Variants in SH3BGRL2 observed in about 807,000 individuals in gnomAD.
SH3BGRL2 encodes the protein SH3 domain binding glutamate rich protein like 2, also known as SH3 domain-binding glutamic acid-rich-like protein 2.
In SH3BGRL2, 21 loss-of-function variants were observed where a neutral mutation model predicts 14.8. The observed-to-expected ratio is 1.42, with a 90% CI of 1.01 to 2.05. The LOEUF is 2.05. Ranked by LOEUF, SH3BGRL2 falls within the 30% of genes most tolerant of loss-of-function variation. The pLI is 0.00. For synonymous variants in SH3BGRL2, 50 were observed against 47.8 expected (o/e 1.05, Z -0.19); for missense variants, 147 against 130.8 (o/e 1.12, Z -0.61).
At chr6:79,607,318 C>A in the SH3BGRL2 span, among the ~76,000 whole-genome samples, 1 of 152,124 alleles carries the variant, frequency 6.6e-6, no homozygotes, top group African/African-American at 2.4e-5. Flanking sequence ...GAAAGCAGAG[C>A]CCTGGACTAT....
chr6:79,582,154 G>A, the SH3BGRL2 span, among the ~76,000 whole-genome samples: 3 of 152,088 alleles, frequency 2.0e-5, no homozygotes, highest in Non-Finnish European at 2.9e-5. Context: ...ACAAATGGAA[G>A]GATATTCCAT....
At chr6:79,587,525 ATT>A in the SH3BGRL2 span, among the ~76,000 whole-genome samples, 3 of 152,232 alleles carry the variant, frequency 2.0e-5, no homozygotes, top group African/African-American at 7.2e-5. Flanking sequence ...GCATATGTTA[ATT>A]TCAACAAAGT....
At chr6:79,699,311 G>A (rs539391145) in intron 3 of SH3BGRL2, among the ~76,000 whole-genome samples, 187 bp from the exon 4 acceptor site, 5 of 152,152 alleles carry the variant, frequency 3.3e-5, no homozygotes, top group African/African-American at 1.2e-4. Flanking sequence ...GGGTGGGTGT[G>A]ATTTAAATCT....
chr6:79,691,428 A>C (rs1446119238), intron 2 of SH3BGRL2, among the ~76,000 whole-genome samples: 1 of 150,990 alleles, frequency 6.6e-6, no homozygotes, highest in Non-Finnish European at 1.5e-5. Context: ...ATATGTATAC[A>C]TGTGCCATGT....
At chr6:79,671,566 C>T (rs531111757) in intron 1 of SH3BGRL2, among the ~76,000 whole-genome samples, 2 of 152,308 alleles carry the variant, frequency 1.3e-5, no homozygotes, top group South Asian at 4.1e-4. Context: ...AGATTCATTT[C>T]ATTTCAGAAG....
chr6:79,673,365 A>G (rs1769812445), intron 1 of SH3BGRL2, among the ~76,000 whole-genome samples: 1 of 150,938 alleles, frequency 6.6e-6, no homozygotes, highest in South Asian at 2.2e-4. Flanking sequence ...ACTTGAGCCC[A>G]GGAGTTTGAG....
the SH3BGRL2 span, among the ~76,000 whole-genome samples, chr6:79,584,591 G>A: frequency 6.6e-6 from 1 of 152,144 alleles, no homozygotes; most frequent in Admixed American, 6.5e-5. Context: ...GGAGAAAGAT[G>A]TGTAGGTCCC....
intron 1 of SH3BGRL2, among the ~76,000 whole-genome samples, chr6:79,644,234 A>G (rs1163760704): frequency 6.6e-6 from 1 of 152,156 alleles, no homozygotes; most frequent in African/African-American, 2.4e-5. Flanking sequence ...GGAGTTTATC[A>G]ATATATTGCA....
intron 1 of SH3BGRL2, among the ~76,000 whole-genome samples, chr6:79,636,390 CAGAAA>C (rs1269953378): frequency 6.6e-6 from 1 of 152,036 alleles, no homozygotes; most frequent in Admixed American, 6.6e-5. Flanking sequence ...ACCCAGTGAA[CAGAAA>C]CAGGGCTGAA....
the SH3BGRL2 span, among the ~76,000 whole-genome samples, chr6:79,599,003 C>G: frequency 6.6e-6 from 1 of 150,532 alleles, no homozygotes; most frequent in African/African-American, 2.4e-5. Flanking sequence ...ATCGCTTGAA[C>G]CTGGGAGGCA....
intron 1 of SH3BGRL2, among the ~76,000 whole-genome samples, chr6:79,666,197 T>C (rs923349154): frequency 4.6e-5 from 7 of 152,162 alleles, no homozygotes; most frequent in African/African-American, 1.7e-4. Context: ...CTTGCTGGGA[T>C]TCTCTTGGCC....
chr6:79,648,650 C>T (rs1769217846), intron 1 of SH3BGRL2, among the ~76,000 whole-genome samples: 1 of 151,942 alleles, frequency 6.6e-6, no homozygotes, highest in Non-Finnish European at 1.5e-5. Flanking sequence ...GGGACCTGTT[C>T]TGTTTATCTT....
the SH3BGRL2 span, chr6:79,573,957 T>TG: frequency 6.6e-6 from 1 of 152,220 alleles, no homozygotes; most frequent in Non-Finnish European, 1.5e-5. Context: ...AATTCTCTAA[T>TG]TACTAGGTAC....
chr6:79,631,342 C>G lies in SH3BGRL2; in HGVS notation c.-120C>G, dbSNP rs941952907. 1.8e-5 allele frequency: 16 copies of G among 907,826 alleles called. No individual in the cohort carries two copies. The highest frequency in any genetic ancestry group is 2.3e-5 in the Non-Finnish European group (15 of 658,784). 56.2% of individuals were successfully genotyped at this position (907,826 alleles called of 1,614,324 possible). On this transcript the variant is annotated 5_prime_UTR_variant, in exon 1 of 4. The change creates a new upstream start codon in the 5' untranslated region. Coordinates refer to ENST00000369838, the MANE Select transcript of SH3BGRL2 (RefSeq NM_031469.4). ...CGGGAGGGAGCCAGATCCCAGCGAT[C>G]TTCCCCGACGGCAGCGCTTTACCCA...
chr6:79,541,954 T>C, the SH3BGRL2 span, among the ~76,000 whole-genome samples: 1 of 152,234 alleles, frequency 6.6e-6, no homozygotes, highest in Non-Finnish European at 1.5e-5. Context: ...TGTTATTTTT[T>C]GACTGCCTCT....
the SH3BGRL2 span, among the ~76,000 whole-genome samples, chr6:79,611,808 T>C: frequency 3.9e-5 from 6 of 152,216 alleles, no homozygotes; most frequent in Non-Finnish European, 8.8e-5. Context: ...AGCCATTTAC[T>C]AGCTGCGTTA....
the SH3BGRL2 span, among the ~76,000 whole-genome samples, chr6:79,607,335 C>G: frequency 6.6e-6 from 1 of 152,276 alleles, no homozygotes; most frequent in Non-Finnish European, 1.5e-5. Flanking sequence ...CTATTACACT[C>G]AAAATGCACA....
chr6:79,596,024 G>A, the SH3BGRL2 span, among the ~76,000 whole-genome samples: 1 of 152,104 alleles, frequency 6.6e-6, no homozygotes, highest in African/African-American at 2.4e-5. Flanking sequence ...TTTATAGATA[G>A]TAACAATAAA....
chr6:79,623,986 A>T, the SH3BGRL2 span, among the ~76,000 whole-genome samples: 1 of 152,172 alleles, frequency 6.6e-6, no homozygotes, highest in Non-Finnish European at 1.5e-5. Context: ...AATTATAACA[A>T]ATTCTAAAAA....
Sources: allele counts gnomAD v4.1 joint callset (sites outside exome capture counted in the v4.1 genomes callset), GRCh38; gene constraint gnomAD v4.1.1; transcripts MANE v1.5; gene names NCBI Gene and HGNC (gene_info 2026-07-23, HGNC 2026-07-21).